Variants in EPHA6 observed in about 807,000 individuals in gnomAD.
EPHA6 encodes the protein EPH receptor A6, also known as ephrin type-A receptor 6.
Under a neutral mutation model 112.0 loss-of-function variants are expected in EPHA6, and 50 were observed. That is an observed-to-expected ratio of 0.45 (90% CI 0.36 to 0.56). The LOEUF (loss-of-function observed/expected upper bound fraction) is 0.56, where lower values mean the gene tolerates loss of function less well. Ranked by LOEUF, EPHA6 falls within the 20% of genes least tolerant of loss-of-function variation. EPHA6 has a pLI of 0.00. For missense variants in EPHA6, 1,280 were observed against 1,417.4 expected (o/e 0.90, Z 1.56); for synonymous variants, 529 against 490.7 (o/e 1.08, Z -1.03).
At chr3:97,663,826 T>G (rs935209227) in intron 14 of EPHA6, among the ~76,000 whole-genome samples, 1 of 152,206 alleles carries the variant, frequency 6.6e-6, no homozygotes, top group Non-Finnish European at 1.5e-5. Flanking sequence ...GCAGCATGAT[T>G]TATAATCCTT....
At chr3:97,112,357 A>T (rs1289592141) in intron 3 of EPHA6, among the ~76,000 whole-genome samples, 1 of 152,142 alleles carries the variant, frequency 6.6e-6, no homozygotes, top group Non-Finnish European at 1.5e-5. Context: ...AGTAAATCTA[A>T]TTCCACTTTA....
At chr3:97,511,437 G>C (rs564718763) in intron 10 of EPHA6, among the ~76,000 whole-genome samples, 202 of 152,236 alleles carry the variant, frequency 1.3e-3, no homozygotes, top group African/African-American at 4.7e-3. Flanking sequence ...AGAGGAGGGG[G>C]TTCCTCGACC....
At chr3:97,117,696 A>G (rs2047930245) in intron 3 of EPHA6, among the ~76,000 whole-genome samples, 1 of 151,790 alleles carries the variant, frequency 6.6e-6, no homozygotes, top group Admixed American at 6.6e-5. Context: ...TAATACTAGT[A>G]CCATGCTGTT....
At chr3:96,829,879 T>G (rs2033908111) in intron 1 of EPHA6, among the ~76,000 whole-genome samples, 1 of 151,892 alleles carries the variant, frequency 6.6e-6, no homozygotes, top group Admixed American at 6.6e-5. Flanking sequence ...TCTTATAAAC[T>G]TTCAGGCAGT....
At chr3:97,284,278 T>C (rs1338768582) in intron 5 of EPHA6, among the ~76,000 whole-genome samples, 1 of 152,208 alleles carries the variant, frequency 6.6e-6, no homozygotes, top group African/African-American at 2.4e-5. Flanking sequence ...CTTTTGTTAC[T>C]TTTGAATTAA....
chr3:97,694,729 T>C (rs980904437), intron 14 of EPHA6, among the ~76,000 whole-genome samples: 5 of 152,236 alleles, frequency 3.3e-5, no homozygotes, highest in East Asian at 1.9e-4. Flanking sequence ...GAAACTTCCA[T>C]TGTATAGTGT....
chr3:97,336,808 A>G (rs770757122), intron 5 of EPHA6, among the ~76,000 whole-genome samples: 8 of 152,082 alleles, frequency 5.3e-5, no homozygotes, highest in Admixed American at 4.6e-4. Context: ...TTATAGGCAG[A>G]GAAATTAATG....
chr3:97,476,741 C>T (rs1005603577), intron 8 of EPHA6, among the ~76,000 whole-genome samples: 9 of 151,646 alleles, frequency 5.9e-5, no homozygotes, highest in Non-Finnish European at 7.4e-5. Flanking sequence ...TAGAATTTAC[C>T]GAGGAAAAAA....
chr3:96,974,678 T>A (rs1392774369), intron 2 of EPHA6, among the ~76,000 whole-genome samples: 1 of 152,162 alleles, frequency 6.6e-6, no homozygotes, highest in African/African-American at 2.4e-5. Context: ...TTTTGTCTTA[T>A]GTTCATTTTA....
chr3:97,363,853 T>TAACATAGATTATC (rs2084551278), intron 5 of EPHA6, among the ~76,000 whole-genome samples: 1 of 152,088 alleles, frequency 6.6e-6, no homozygotes, highest in Non-Finnish European at 1.5e-5. Context: ...ACACATGCTA[T>TAACATAGATTATC]AACATAGATT....
intron 11 of EPHA6, among the ~76,000 whole-genome samples, chr3:97,540,491 G>T (rs1470843344): frequency 6.6e-6 from 1 of 152,124 alleles, no homozygotes; most frequent in Non-Finnish European, 1.5e-5. Flanking sequence ...CTGTATGCAG[G>T]AATAATTTAT....
chr3:96,994,732 T>TATATATATATATATATAGAGAGAG (rs1170197805), intron 3 of EPHA6, among the ~76,000 whole-genome samples: 1 of 82,220 alleles, frequency 1.2e-5, no homozygotes, highest in African/African-American at 6.4e-5. Flanking sequence ...TATATATATA[T>TATATATATATATATATAGAGAGAG]AGAGAGAGAG....
intron 5 of EPHA6, among the ~76,000 whole-genome samples, chr3:97,256,686 T>C (rs1331149398): frequency 1.3e-5 from 2 of 152,120 alleles, no homozygotes; most frequent in East Asian, 3.8e-4. Flanking sequence ...CTTAGTTTTC[T>C]GTTTAAAAGC....
At chr3:97,505,065 C>T (rs564300655) in intron 10 of EPHA6, among the ~76,000 whole-genome samples, 1 of 152,142 alleles carries the variant, frequency 6.6e-6, no homozygotes, top group African/African-American at 2.4e-5. Flanking sequence ...AAGTTCAATT[C>T]AGTCTGAATG....
At chr3:97,576,428 C>G (rs9812909) in intron 11 of EPHA6, among the ~76,000 whole-genome samples, 42,395 of 151,982 alleles carry the variant, frequency 0.28, 9,253 homozygotes, top group African/African-American at 0.6. Flanking sequence ...TCATCAACTG[C>G]GCTGGCAGAC....
chr3:96,864,148 T>C (rs2036169547), intron 1 of EPHA6, among the ~76,000 whole-genome samples: 1 of 152,006 alleles, frequency 6.6e-6, no homozygotes, highest in South Asian at 2.1e-4. Flanking sequence ...CAGCAGTCAG[T>C]TTTGGAATCC....
Position 97,430,499 on chromosome 3 carries a change from G to A in EPHA6, c.1732-18069G>A, listed in dbSNP as rs149296306. Among the ~76,000 whole-genome samples the A allele has an allele frequency of 4.8e-3, 731 of 152,034 alleles. 7 individuals are homozygous for A. The highest frequency in any genetic ancestry group is 0.017 in the African/African-American group (704 of 41,482). ...CTTAGATGACAAATACCTCTGCTAGGTACTATAGATTTTTATTGGAATAAG... is the reference window on the plus strand; with the variant it reads ...CTTAGATGACAAATACCTCTGCTAGATACTATAGATTTTTATTGGAATAAG... On this transcript the variant is annotated intron_variant, in intron 6 of 17. Coordinates refer to ENST00000389672, the MANE Select transcript of EPHA6 (RefSeq NM_001080448.3).
At chr3:97,091,695 A>T (rs1168532883) in intron 3 of EPHA6, among the ~76,000 whole-genome samples, 1 of 152,164 alleles carries the variant, frequency 6.6e-6, no homozygotes, top group Non-Finnish European at 1.5e-5. Flanking sequence ...GAATGACCAC[A>T]TTCTATTTAG....
At chr3:97,055,370 C>G (rs1371476925) in intron 3 of EPHA6, among the ~76,000 whole-genome samples, 1 of 152,004 alleles carries the variant, frequency 6.6e-6, no homozygotes, top group Non-Finnish European at 1.5e-5. Context: ...AAAGAATGCC[C>G]CTCATCCATA....
Sources: allele counts gnomAD v4.1 joint callset (sites outside exome capture counted in the v4.1 genomes callset), GRCh38; gene constraint gnomAD v4.1.1; transcripts MANE v1.5; gene names NCBI Gene and HGNC (gene_info 2026-07-23, HGNC 2026-07-21).